The following CASQ2 variants were observed in gnomAD, a reference collection of about 807,000 sequenced individuals.
The protein encoded by CASQ2 is calsequestrin-2.
A neutral mutation model predicts 46.5 loss-of-function variants in CASQ2; 49 were observed. That is an observed-to-expected ratio of 1.05 (90% confidence interval 0.84 to 1.34). CASQ2 has a LOEUF of 1.34. CASQ2 is among the 40% of genes most tolerant of loss of function. The probability of loss-of-function intolerance (pLI) is 0.00; values close to 1 mark genes in which losing one functional copy is unlikely to be tolerated. For missense variants in CASQ2, 486 were observed against 481.3 expected (o/e 1.01, Z -0.09); for synonymous variants, 174 against 168.5 (o/e 1.03, Z -0.25).
intron 1 of CASQ2, among the ~76,000 whole-genome samples, chr1:115,760,914 T>C (rs1648913468): frequency 6.6e-6 from 1 of 152,198 alleles, no homozygotes; most frequent in Non-Finnish European, 1.5e-5. Flanking sequence ...GTAACTGATG[T>C]AACAAAAATA....
intron 6 of CASQ2, 36 bp downstream of exon 6, chr1:115,726,956 C>T (rs1311547279): frequency 2.2e-6 from 3 of 1,351,902 alleles, no homozygotes; most frequent in Non-Finnish European, 2.1e-6. Flanking sequence ...TTCCCCAGAC[C>T]CCAGGCCCCC....
In CASQ2 at chr1:115,701,189, T is replaced by A; in HGVS notation, c.*52A>T. On this transcript the variant is annotated 3_prime_UTR_variant, in exon 11 of 11. Coordinates refer to ENST00000261448, the MANE Select transcript of CASQ2 (RefSeq NM_001232.4). ...GCTTGCTGCCACCTTGTGCTGTCTG[T>A]ATGGTAGTGGGTGCTGTGATTTTGT... The A allele has an allele frequency of 2.5e-6, 4 of 1,612,804 alleles. No homozygotes were observed. The South Asian group carries it at 4.4e-5, about 18-fold the overall frequency.
intron 4 of CASQ2, among the ~76,000 whole-genome samples, chr1:115,736,901 C>G (rs1647982774): frequency 6.6e-6 from 1 of 152,096 alleles, no homozygotes; most frequent in Non-Finnish European, 1.5e-5. Flanking sequence ...AGCATAGGCC[C>G]TAGCATATGA....
At chr1:115,710,984 C>A (rs1357301035) in intron 8 of CASQ2, among the ~76,000 whole-genome samples, 1 of 152,202 alleles carries the variant, frequency 6.6e-6, no homozygotes, top group African/African-American at 2.4e-5. Flanking sequence ...CGGTCCCAGG[C>A]CAGGCACAGC....
At chr1:115,705,371 C>T (rs896050821) in intron 8 of CASQ2, 79 bp from the exon 9 acceptor site, 81 of 907,776 alleles carry the variant, frequency 8.9e-5, no homozygotes, top group Middle Eastern at 2.1e-4. Flanking sequence ...GTGATTTTTC[C>T]ACGAGGACTT....
chr1:115,737,122 C>G (rs1226937613), intron 4 of CASQ2, among the ~76,000 whole-genome samples: 1 of 152,078 alleles, frequency 6.6e-6, no homozygotes, highest in Non-Finnish European at 1.5e-5. Context: ...AGAAGCACCC[C>G]AGAGTAGTCA....
At chr1:115,757,736 A>G (rs1261376674) in intron 1 of CASQ2, among the ~76,000 whole-genome samples, 2 of 152,104 alleles carry the variant, frequency 1.3e-5, no homozygotes, top group Non-Finnish European at 2.9e-5. Flanking sequence ...AATTTTACCC[A>G]TATTTTGGTG....
intron 4 of CASQ2, among the ~76,000 whole-genome samples, chr1:115,733,630 G>A (rs141140623): frequency 6.4e-4 from 97 of 152,242 alleles, no homozygotes; most frequent in African/African-American, 2.3e-3. Context: ...GGTGAGTGTG[G>A]GAGTGCTGTA....
At chr1:115,738,987 T>G (rs1648064191) in intron 3 of CASQ2, among the ~76,000 whole-genome samples, 1 of 151,674 alleles carries the variant, frequency 6.6e-6, no homozygotes, top group Non-Finnish European at 1.5e-5. Context: ...TTAGTCTTTC[T>G]GTGCCTAGCT....
chr1:115,708,504 G>A (rs1457848792), intron 8 of CASQ2, among the ~76,000 whole-genome samples: 1 of 152,126 alleles, frequency 6.6e-6, no homozygotes. Flanking sequence ...CCAAGGTCGT[G>A]GATGTACCCT....
intron 8 of CASQ2, among the ~76,000 whole-genome samples, chr1:115,707,292 G>A (rs1237631456): frequency 6.6e-6 from 1 of 152,192 alleles, no homozygotes; most frequent in Non-Finnish European, 1.5e-5. Context: ...TTTCCAAAGT[G>A]CAGGATTACA....
At chr1:115,734,694 A>G (rs1479074487) in intron 4 of CASQ2, among the ~76,000 whole-genome samples, 5 of 152,048 alleles carry the variant, frequency 3.3e-5, no homozygotes, top group Non-Finnish European at 5.9e-5. Flanking sequence ...GCTCCTGAAC[A>G]TTGAGTTCCC....
At chr1:115,720,954 G>T (rs1432889813) in intron 7 of CASQ2, among the ~76,000 whole-genome samples, 1 of 152,120 alleles carries the variant, frequency 6.6e-6, no homozygotes, top group Non-Finnish European at 1.5e-5. Flanking sequence ...AAGAAACTAT[G>T]CTTATCAATT....
In CASQ2 at chr1:115,768,613, C is replaced by T. The variant is rs1649210749; in HGVS notation, c.-72G>A. The T allele has an allele frequency of 1.0e-6, 1 of 968,474 alleles. No homozygotes were observed. The highest frequency in any genetic ancestry group is 2.5e-5 in the East Asian group (1 of 39,252). 60.0% of individuals were successfully genotyped at this position (968,474 alleles called of 1,614,324 possible). ...TAGAGGACAGAAGACTGTTAGAGGCCTTGTTGAGCCAAGGAGAGAGCAGAC... is the reference window on the plus strand; with the variant it reads ...TAGAGGACAGAAGACTGTTAGAGGCTTTGTTGAGCCAAGGAGAGAGCAGAC... On this transcript the variant is annotated 5_prime_UTR_variant, in exon 1 of 11. Transcript: ENST00000261448.
intron 8 of CASQ2, among the ~76,000 whole-genome samples, chr1:115,710,315 G>C (rs149852529): frequency 6.6e-6 from 1 of 152,266 alleles, no homozygotes; most frequent in East Asian, 1.9e-4. Flanking sequence ...ATTTTAAAGA[G>C]GATGGAATTA....
At chr1:115,721,462 G>T (rs548761496) in intron 7 of CASQ2, among the ~76,000 whole-genome samples, 2 of 152,296 alleles carry the variant, frequency 1.3e-5, no homozygotes, top group South Asian at 4.1e-4. Context: ...CAATTAGAGT[G>T]AGAGAAAGAT....
Position 115,744,456 on chromosome 1 carries a change from T to C in CASQ2, c.319+372A>G, listed in dbSNP as rs12092118. 9.7e-3 allele frequency among the ~76,000 whole-genome samples: 1,476 copies of C among 152,352 alleles called. 29 individuals are homozygous for C. Among genetic ancestry groups the C allele is most frequent in the African/African-American group, 0.034 (1,407 of 41,586 alleles). On this transcript the variant is annotated intron_variant, in intron 2 of 10. Transcript: ENST00000261448. Reference sequence around the variant, plus strand: ...AGCCGCAAGGCAACGAAATAATACATGATGAAAGAAGAGAATTTTTAACTC... The same window carrying C: ...AGCCGCAAGGCAACGAAATAATACACGATGAAAGAAGAGAATTTTTAACTC...
chr1:115,722,901 A>G (rs1435199657), intron 7 of CASQ2, among the ~76,000 whole-genome samples: 1 of 152,028 alleles, frequency 6.6e-6, no homozygotes, highest in African/African-American at 2.4e-5. Context: ...CACAAAAACT[A>G]GCCAGGTGTG....
chr1:115,753,705 C>T (rs1648660208), intron 1 of CASQ2, among the ~76,000 whole-genome samples: 1 of 152,134 alleles, frequency 6.6e-6, no homozygotes, highest in African/African-American at 2.4e-5. Context: ...CCAGCTCTAA[C>T]CCAGGGAAAG....
Sources: gnomAD v4.1 joint callset for allele counts (sites outside exome capture counted in the v4.1 genomes callset) on GRCh38, gnomAD v4.1.1 for gene constraint, MANE v1.5 for transcripts, NCBI Gene and HGNC (gene_info 2026-07-23, HGNC 2026-07-21) for gene names.